KIR2DL4: variants seen among roughly 807,000 people sequenced by gnomAD.
KIR2DL4 encodes killer cell immunoglobulin like receptor, two Ig domains and long cytoplasmic tail 4, also known as killer cell immunoglobulin-like receptor 2DL4.
In KIR2DL4, 41 loss-of-function variants were observed where a neutral mutation model predicts 31.0. The ratio of observed to expected loss-of-function variants is 1.32; its 90% CI spans 1.03 to 1.72. The LOEUF is 1.72. Ranked by LOEUF, KIR2DL4 falls within the 40% of genes most tolerant of loss-of-function variation. The pLI, the probability that KIR2DL4 is intolerant of heterozygous loss-of-function variation, is 0.00. For missense variants in KIR2DL4, 438 were observed against 353.7 expected (o/e 1.24, Z -1.91); for synonymous variants, 164 against 133.6 (o/e 1.23, Z -1.57).
intron 4 of KIR2DL4, among the ~76,000 whole-genome samples, chr19:54,808,225 TTG>T (rs2060642932): frequency 2.0e-5 from 3 of 148,006 alleles, no homozygotes; most frequent in Admixed American, 2.0e-4. Flanking sequence ...GTCTATTTTT[TTG>T]TTGTTGTTGT....
intron 5 of KIR2DL4, chr19:54,813,110 C>T: frequency 7.0e-7 from 1 of 1,438,336 alleles, no homozygotes; most frequent in East Asian, 2.4e-5. Flanking sequence ...TTATTGGATT[C>T]CCATCTTCCT....
intron 4 of KIR2DL4, among the ~76,000 whole-genome samples, chr19:54,808,096 C>T (rs1367901033): frequency 4.6e-5 from 7 of 150,736 alleles, no homozygotes; most frequent in African/African-American, 1.7e-4. Context: ...AGTTATTAAT[C>T]CCATCTCAGA....
intron 4 of KIR2DL4, among the ~76,000 whole-genome samples, chr19:54,806,528 T>C (rs145202126): frequency 1.3e-5 from 2 of 149,992 alleles, no homozygotes; most frequent in Admixed American, 6.6e-5. Flanking sequence ...AGATCAGAGG[T>C]TCCCTCAGCC....
exon 4 of KIR2DL4, chr19:54,806,190 G>A (rs2060517778): frequency 1.2e-6 from 2 of 1,611,386 alleles, no homozygotes. Flanking sequence ...CTCTTTCCAT[G>A]GATCTCCCTA....
chr19:54,806,106 A>G (rs901911372), exon 4 of KIR2DL4: 4 of 1,612,144 alleles, frequency 2.5e-6, no homozygotes, highest in South Asian at 2.2e-5. Flanking sequence ...TGCAGTGCCC[A>G]GCATCAATGG....
At chr19:54,813,372 A>G in intron 6 of KIR2DL4, 2 of 1,312,890 alleles carry the variant, frequency 1.5e-6, no homozygotes, top group Non-Finnish European at 2.1e-6. Flanking sequence ...AGAGAGCACC[A>G]GACACCCTGC....
Position 54,810,665 on chromosome 19 carries a change from C to T in KIR2DL4, c.706+1782C>T, listed in dbSNP as rs1212760563. Among the ~76,000 whole-genome samples the T allele has an allele frequency of 5.3e-5, 8 of 151,258 alleles. 1 individual carries two copies. Among genetic ancestry groups the T allele is most frequent in the Non-Finnish European group, 8.8e-5 (6 of 67,924 alleles). On this transcript the variant is annotated intron_variant, in intron 5 of 7. Coordinates refer to ENST00000359085, the Ensembl canonical transcript of KIR2DL4. ...GAATGACATGGGGAGAATGACAAGA[C>T]GACTGTGGAGAGACAGAGAGCACAC...
In KIR2DL4 at chr19:54,813,038, G is replaced by T. The variant is rs1327918141; in HGVS notation, c.707-87G>T. 8 of 1,050,574 alleles carry T rather than the reference G, an allele frequency of 7.6e-6. No individual in the cohort carries two copies. In the East Asian group the frequency reaches 1.4e-4, roughly 18 times the overall value. The allele number at this position is 1,050,574 out of a possible 1,614,324, so 65.1% of individuals were successfully genotyped here. A position where few individuals can be genotyped will look rare whatever the true frequency, so the allele number is the denominator to read the frequency against. ...CTTGTCTTAAAGAGGTGTTTTATGT[G>T]GTTGCCTGGCAACCAAGAAATGAGA... On this transcript the variant is annotated intron_variant, in intron 5 of 7. Coordinates refer to ENST00000359085, the Ensembl canonical transcript of KIR2DL4.
At position 54,805,860 on chromosome 19, in the gene KIR2DL4, A is replaced by G. The variant is rs1601137721; in HGVS notation, c.362-91A>G. 5 of 1,126,166 alleles carry G rather than the reference A, an allele frequency of 4.4e-6. No individual in the cohort carries two copies. In the East Asian group the frequency reaches 9.5e-5, roughly 21 times the overall value. The allele number at this position is 1,126,166 out of a possible 1,614,324, so 69.8% of individuals were successfully genotyped here. A position where few individuals can be genotyped will look rare whatever the true frequency, so the allele number is the denominator to read the frequency against. On this transcript the variant is annotated intron_variant, in intron 3 of 7. Transcript: ENST00000359085. ...AGAGAGAGAGAGAGAGCACTAGGCC[A>G]TAGAGCAGGGCAGTGAGTTCTCAGC...
At chr19:54,813,983 G>T in exon 8 of KIR2DL4, 3 of 1,612,472 alleles carry the variant, frequency 1.9e-6, no homozygotes, top group Non-Finnish European at 1.7e-6. Flanking sequence ...ACTTCCAAAT[G>T]CTGAGCCCAG....
chr19:54,811,821 G>A (rs1421903337), intron 5 of KIR2DL4, among the ~76,000 whole-genome samples: 2 of 151,206 alleles, frequency 1.3e-5, no homozygotes, highest in Non-Finnish European at 2.9e-5. Flanking sequence ...AAGACAGGCT[G>A]TATTGAAGCA....
intron 5 of KIR2DL4, among the ~76,000 whole-genome samples, chr19:54,811,615 T>C (rs2060873115): frequency 6.6e-6 from 1 of 151,264 alleles, no homozygotes. Flanking sequence ...GGTCCTGGAA[T>C]AGAGAACGTG....
At chr19:54,813,393 A>G in intron 6 of KIR2DL4, 3 of 1,038,314 alleles carry the variant, frequency 2.9e-6, no homozygotes, top group Non-Finnish European at 4.1e-6. Flanking sequence ...CCCTGCCTTC[A>G]GCTCACAGAC....
chr19:54,808,133 A>G (rs1601167944), intron 4 of KIR2DL4, among the ~76,000 whole-genome samples: 1 of 150,050 alleles, frequency 6.7e-6, no homozygotes, highest in Non-Finnish European at 1.5e-5. Flanking sequence ...ATTTGCTCCC[A>G]TTCTGTGGGT....
intron 4 of KIR2DL4, among the ~76,000 whole-genome samples, chr19:54,807,774 C>T (rs2060616103): frequency 6.7e-6 from 1 of 148,926 alleles, no homozygotes; most frequent in Non-Finnish European, 1.5e-5. Context: ...TATTCTTCTC[C>T]TCTGTAATGG....
chr19:54,806,448 C>T (rs1317009889), intron 4 of KIR2DL4, among the ~76,000 whole-genome samples: 2 of 151,124 alleles, frequency 1.3e-5, no homozygotes, highest in Non-Finnish European at 2.9e-5. Context: ...GTAAGGGCTC[C>T]GGGTACCCAG....
intron 5 of KIR2DL4, among the ~76,000 whole-genome samples, chr19:54,810,668 CTG>C (rs1272676069): frequency 6.6e-6 from 1 of 151,312 alleles, no homozygotes; most frequent in African/African-American, 2.4e-5. Flanking sequence ...GACAAGACGA[CTG>C]TGGAGAGACA....
At chr19:54,806,012 C>A in exon 4 of KIR2DL4, 2 of 1,610,968 alleles carry the variant, frequency 1.2e-6, no homozygotes, top group Non-Finnish European at 1.7e-6. Context: ...CAGGAGAGAA[C>A]GTGACCTTGT....
rs1556469526 is a variant in KIR2DL4, at chr19:54,808,224, T to TTTTG, written c.656-607_656-606insTGTT. On this transcript the variant is annotated intron_variant, in intron 4 of 7. Transcript: ENST00000359085. The stretch of plus-strand genomic sequence containing the variant: ...TGATATAATCCCAATGGTCTATTTT[T>TTTTG]TTGTTGTTGTTGTGATTACTTGTGT... Among the ~76,000 whole-genome samples, 2 of 149,110 alleles carry TTTTG rather than the reference T, an allele frequency of 1.3e-5. 1 individual carries two copies. Among genetic ancestry groups the TTTTG allele is most frequent in the Non-Finnish European group, 3.0e-5 (2 of 67,614 alleles).
Sources: allele counts gnomAD v4.1 joint callset (sites outside exome capture counted in the v4.1 genomes callset), GRCh38; gene constraint gnomAD v4.1.1; transcripts MANE v1.5; gene names NCBI Gene and HGNC (gene_info 2026-07-23, HGNC 2026-07-21).